Variants in CADM1 observed in about 807,000 individuals in gnomAD.
The protein encoded by CADM1 is cell adhesion molecule 1.
In CADM1, 15 loss-of-function variants were observed where a neutral mutation model predicts 53.1. That is an observed-to-expected ratio of 0.28 (90% CI 0.19 to 0.44). The LOEUF is 0.44. Ranked by LOEUF, CADM1 falls within the 20% of genes least tolerant of loss-of-function variation. The pLI, the probability that CADM1 is intolerant of heterozygous loss-of-function variation, is 1.00. For synonymous variants in CADM1, 281 were observed against 243.0 expected (o/e 1.16, Z -1.45); for missense variants, 434 against 611.3 (o/e 0.71, Z 3.06).
At chr11:115,286,023 AG>A (rs2135094391) in intron 1 of CADM1, among the ~76,000 whole-genome samples, 1 of 152,364 alleles carries the variant, frequency 6.6e-6, no homozygotes, top group East Asian at 1.9e-4. Flanking sequence ...ATATACTCAA[AG>A]GCCACAGACA....
At chr11:115,208,616 A>C (rs1335569177) in intron 8 of CADM1, among the ~76,000 whole-genome samples, 1 of 152,220 alleles carries the variant, frequency 6.6e-6, no homozygotes, top group African/African-American at 2.4e-5. Context: ...TGCAGCGGAA[A>C]AGTTACTCTT....
At chr11:115,412,744 C>T (rs1365983520) in intron 1 of CADM1, among the ~76,000 whole-genome samples, 1 of 152,142 alleles carries the variant, frequency 6.6e-6, no homozygotes, top group Non-Finnish European at 1.5e-5. Flanking sequence ...TAATCATTTA[C>T]CATTAATCTA....
chr11:115,197,300 T>C (rs1940204496), intron 9 of CADM1, among the ~76,000 whole-genome samples: 1 of 152,180 alleles, frequency 6.6e-6, no homozygotes, highest in South Asian at 2.1e-4. Flanking sequence ...CTCTAAAAGT[T>C]GAATTAACAT....
At position 115,398,002 on chromosome 11, in the gene CADM1, T is replaced by TAATG. The variant is rs368432711; in HGVS notation, c.124+106268_124+106269insCATT. Among the ~76,000 whole-genome samples the TAATG allele has an allele frequency of 6.1e-3, 930 of 152,106 alleles. 8 individuals carry two copies. Among genetic ancestry groups the TAATG allele is most frequent in the African/African-American group, 0.021 (888 of 41,488 alleles). ...GAATCACTCACCCTCTCTACAAGAG[T>TAATG]ATCATTACTCATTTTCCCATCCAAA... On this transcript the variant is annotated intron_variant, in intron 1 of 11. Coordinates refer to ENST00000331581, the MANE Select transcript of CADM1 (RefSeq NM_001301043.2).
At chr11:115,228,291 G>T (rs1381901048) in intron 5 of CADM1, among the ~76,000 whole-genome samples, 1 of 152,200 alleles carries the variant, frequency 6.6e-6, no homozygotes, top group African/African-American at 2.4e-5. Flanking sequence ...TACCAAGTTT[G>T]TGACAATTTG....
chr11:115,401,489 T>A (rs1314874140), intron 1 of CADM1, among the ~76,000 whole-genome samples: 2 of 152,112 alleles, frequency 1.3e-5, no homozygotes, highest in African/African-American at 2.4e-5. Context: ...ACGCCTGTAG[T>A]CCCAGCTACA....
Position 115,234,033 on chromosome 11 carries a change from A to T in CADM1, c.425-2543T>A, listed in dbSNP as rs572471781. Among the ~76,000 whole-genome samples the T allele has an allele frequency of 6.6e-5, 10 of 152,330 alleles. 1 individual carries two copies. Among genetic ancestry groups the T allele is most frequent in the African/African-American group, 2.4e-4 (10 of 41,576 alleles). On this transcript the variant is annotated intron_variant, in intron 3 of 11. Coordinates refer to ENST00000331581, the MANE Select transcript of CADM1 (RefSeq NM_001301043.2). Reference sequence around the variant, plus strand: ...GATGCGACAGTCCAGCAGTTGTTAAAAGACTCCTCTATGTATCTCTGTTGA... The same window carrying T: ...GATGCGACAGTCCAGCAGTTGTTAATAGACTCCTCTATGTATCTCTGTTGA...
intron 9 of CADM1, among the ~76,000 whole-genome samples, chr11:115,196,697 C>CAGG (rs1433562570): frequency 1.3e-5 from 2 of 151,294 alleles, no homozygotes; most frequent in Non-Finnish European, 2.9e-5. Context: ...TCCTGGGCCG[C>CAGG]AGGTAGCCCA....
chr11:115,220,601 G>A (rs771098022), intron 5 of CADM1, among the ~76,000 whole-genome samples: 1 of 152,156 alleles, frequency 6.6e-6, no homozygotes, highest in African/African-American at 2.4e-5. Flanking sequence ...ACAGAAAAAT[G>A]TTCCCCTCTG....
chr11:115,404,905 C>T (rs1050349508), intron 1 of CADM1, among the ~76,000 whole-genome samples: 17 of 150,734 alleles, frequency 1.1e-4, no homozygotes, highest in South Asian at 4.2e-4. Context: ...GCAAAGGATT[C>T]GGCATTAGGA....
At chr11:115,321,313 C>G (rs1486089700) in intron 1 of CADM1, among the ~76,000 whole-genome samples, 1 of 152,102 alleles carries the variant, frequency 6.6e-6, no homozygotes, top group Non-Finnish European at 1.5e-5. Context: ...GGTATGTTTT[C>G]AACATCCTAT....
Position 115,212,615 on chromosome 11 carries a change from G to A in CADM1, c.994+1993C>T, listed in dbSNP as rs1228109734. ...CTGGCCCAGACAGTTAATTCTAAAA[G>A]GATCATCTCATATTGAAGGGGATTG... is the stretch of plus-strand genomic sequence containing the variant. On this transcript the variant is annotated intron_variant, in intron 7 of 11. Coordinates refer to ENST00000331581, the MANE Select transcript of CADM1 (RefSeq NM_001301043.2). 5.3e-5 allele frequency among the ~76,000 whole-genome samples: 8 copies of A among 152,170 alleles called. No homozygotes were observed. In the East Asian group the frequency reaches 1.5e-3, roughly 29 times the overall value.
chr11:115,347,263 T>C (rs543769735), intron 1 of CADM1, among the ~76,000 whole-genome samples: 1 of 152,140 alleles, frequency 6.6e-6, no homozygotes, highest in South Asian at 2.1e-4. Context: ...CCCCAACTGC[T>C]TCTTGGCATA....
chr11:115,404,443 G>A (rs72997915), intron 1 of CADM1, among the ~76,000 whole-genome samples: 3,423 of 118,214 alleles, frequency 0.029, 65 homozygotes, highest in Non-Finnish European at 0.042. Flanking sequence ...AAAGTAAAAC[G>A]CAAACTTTTA....
chr11:115,405,108 C>A (rs1947281576), intron 1 of CADM1, among the ~76,000 whole-genome samples: 1 of 151,992 alleles, frequency 6.6e-6, no homozygotes, highest in Non-Finnish European at 1.5e-5. Context: ...TACAGGCATG[C>A]AATCCTGGCT....
At position 115,284,114 on chromosome 11, in the gene CADM1, C is replaced by CTCTCTCTCTCTG. The variant is rs1351842329; in HGVS notation, c.125-43695_125-43694insCAGAGAGAGAGA. ...TCTCTCTCTCTCTCTCTCTCTCTCTCTGTGTGTGTGTGTGTGTGTGTGTGT... is the reference window on the plus strand; with the variant it reads ...TCTCTCTCTCTCTCTCTCTCTCTCTCTCTCTCTCTCTGTGTGTGTGTGTGTGTGTGTGTGTGT... On this transcript the variant is annotated intron_variant, in intron 1 of 11. Coordinates refer to ENST00000331581, the MANE Select transcript of CADM1 (RefSeq NM_001301043.2). 1.2e-3 allele frequency among the ~76,000 whole-genome samples: 119 copies of CTCTCTCTCTCTG among 98,676 alleles called. 2 individuals carry two copies. Among genetic ancestry groups the CTCTCTCTCTCTG allele is most frequent in the Non-Finnish European group, 1.4e-3 (67 of 47,304 alleles). 64.7% of individuals were successfully genotyped at this position (98,676 alleles called of 152,430 possible).
chr11:115,231,837 T>G (rs911998305), intron 3 of CADM1, among the ~76,000 whole-genome samples: 1 of 151,908 alleles, frequency 6.6e-6, no homozygotes, highest in Non-Finnish European at 1.5e-5. Context: ...AAATACAAAA[T>G]TATCCGGGCA....
At chr11:115,219,581 G>T (rs1320014978) in intron 5 of CADM1, among the ~76,000 whole-genome samples, 1 of 152,152 alleles carries the variant, frequency 6.6e-6, no homozygotes, top group Non-Finnish European at 1.5e-5. Context: ...CAAAGAAACT[G>T]TTTAAGAGCA....
intron 1 of CADM1, among the ~76,000 whole-genome samples, chr11:115,385,633 GAAAA>G (rs3045733): frequency 9.0e-6 from 1 of 111,480 alleles, no homozygotes; most frequent in Admixed American, 9.1e-5. Flanking sequence ...AAGGATTAAA[GAAAA>G]AAAAAAAAAA....
Sources: gnomAD v4.1 joint callset for allele counts (sites outside exome capture counted in the v4.1 genomes callset) on GRCh38, gnomAD v4.1.1 for gene constraint, MANE v1.5 for transcripts, NCBI Gene and HGNC (gene_info 2026-07-23, HGNC 2026-07-21) for gene names.